The following SPG11 variants were observed in gnomAD, a reference collection of about 807,000 sequenced individuals.
SPG11 encodes SPG11 vesicle trafficking associated, spatacsin.
SPG11 carries 222 observed loss-of-function variants against 274.0 expected under a neutral mutation model. The observed-to-expected ratio is 0.81, with a 90% CI of 0.73 to 0.91. The LOEUF is 0.91. Among genes scored for constraint, SPG11 ranks in the 40% least tolerant of loss-of-function variants. The pLI, the probability that SPG11 is intolerant of heterozygous loss-of-function variation, is 0.00. For synonymous variants in SPG11, 1,144 were observed against 1,039.7 expected, an observed-to-expected ratio of 1.10 and a Z score of -1.93; for missense variants, 3,114 against 2,872.7, an observed-to-expected ratio of 1.08 and a Z score of -1.92.
chr15:44,576,322 T>C (rs1302412584), intron 30 of SPG11, among the ~76,000 whole-genome samples: 2 of 151,676 alleles, frequency 1.3e-5, no homozygotes, highest in African/African-American at 4.8e-5. Context: ...GCTTAGTACA[T>C]CTGTACAGTG....
At chr15:44,563,565 G>A (rs193040233) in intron 39 of SPG11, among the ~76,000 whole-genome samples, 15 of 152,204 alleles carry the variant, frequency 9.9e-5, no homozygotes, top group South Asian at 2.1e-4. Flanking sequence ...GTTGAACTCC[G>A]GGCCTCAAGT....
intron 7 of SPG11, among the ~76,000 whole-genome samples, chr15:44,645,602 AC>A (rs1341926200): frequency 2.0e-5 from 3 of 152,144 alleles, no homozygotes; most frequent in Non-Finnish European, 4.4e-5. Context: ...TGCAACAAAA[AC>A]CAAAAATTGA....
chr15:44,584,151 G>A lies in SPG11; in HGVS notation c.5529C>T (p.Phe1843=). The part of the protein sequence containing the change: ...SFDSLASEFS[F]SKLAALNTSK... ...ATGTGTTCAGAGCAGCCAACTTGGA[G>A]AAGGAAAACTCACTGGCTAAACTAT... The change falls in exon 30 of 40, where the codon TTC becomes TTT. Residue 1843 remains phenylalanine, a synonymous_variant. Transcript: ENST00000261866. 6.2e-7 allele frequency: 1 copy of A among 1,614,230 alleles called. No homozygotes were observed. The highest frequency in any genetic ancestry group is 8.5e-7 in the Non-Finnish European group (1 of 1,180,040).
chr15:44,587,687 C>T (rs944390634), intron 28 of SPG11, among the ~76,000 whole-genome samples: 1 of 84,510 alleles, frequency 1.2e-5, no homozygotes, highest in African/African-American at 5.7e-5. Context: ...CAGAGCCAGA[C>T]TGTCTCAAAA....
Position 44,584,530 on chromosome 15 carries a change from T to C in SPG11, c.5150A>G (p.His1717Arg), listed in dbSNP as rs1351728335. The C allele has an allele frequency of 3.1e-6, 5 of 1,612,330 alleles. No homozygotes were observed. Among genetic ancestry groups the C allele is most frequent in the Non-Finnish European group, 4.2e-6 (5 of 1,180,028 alleles). Residue 1717 changes from histidine (H) to arginine (R), a missense_variant, in exon 30 of 40, where the codon CAC becomes CGC. His to Arg is a conservative substitution (Grantham distance 29). Transcript: ENST00000261866. ...EITQEMQTLKHIEQWSLKQAR... is the reference protein window; with the variant it reads ...EITQEMQTLKRIEQWSLKQAR... ...TTGTTTTAGTGACCACTGTTCAATGTGTTTTAGGGTCTGCATTTCCTGTGT... is the reference window on the plus strand; with the variant it reads ...TTGTTTTAGTGACCACTGTTCAATGCGTTTTAGGGTCTGCATTTCCTGTGT...
chr15:44,600,766 C>T, intron 20 of SPG11, 134 bp from the exon 21 acceptor site: 2 of 927,176 alleles, frequency 2.2e-6, no homozygotes, highest in Admixed American at 2.1e-5. Context: ...TTTGAATCTA[C>T]CAAAATCTGA....
rs187638380 is a variant in SPG11 at position 44,607,345 on chromosome 15, G to A, written c.3453+1099C>T. On this transcript the variant is annotated intron_variant, in intron 19 of 39. Coordinates refer to ENST00000261866, the MANE Select transcript of SPG11 (RefSeq NM_025137.4). ...TGCCCAGGCTAGAGTGCAATGGTGC[G>A]ATCTCAGCTTACTGCAACTTTCGCC... 4.4e-4 allele frequency among the ~76,000 whole-genome samples: 67 copies of A among 152,220 alleles called. No homozygotes were observed. In the East Asian group the frequency reaches 0.012, roughly 26 times the overall value.
rs1567125715 is a variant in SPG11 at position 44,565,834 on chromosome 15, C to T, written c.6999+20G>A. 3 of 1,613,726 alleles carry T rather than the reference C, an allele frequency of 1.9e-6. No homozygotes were observed. The highest frequency in any genetic ancestry group is 1.3e-5 in the African/African-American group (1 of 74,916). On this transcript the variant is annotated intron_variant, in intron 38 of 39. Coordinates refer to ENST00000261866, the MANE Select transcript of SPG11 (RefSeq NM_025137.4). ...GAGAGGATGCTAGCAGTGCTGGCTA[C>T]AGTTTGCTTTCTTGCTCACCTGGTA...
At chr15:44,629,209 C>T in intron 9 of SPG11, 24 bp downstream of exon 9, 1 of 1,612,160 alleles carries the variant, frequency 6.2e-7, no homozygotes, top group Non-Finnish European at 8.5e-7. Flanking sequence ...GTAGAATTGC[C>T]CCCTTCCTAG....
intron 4 of SPG11, among the ~76,000 whole-genome samples, chr15:44,655,390 T>C (rs1259747670): frequency 6.6e-6 from 1 of 152,222 alleles, no homozygotes; most frequent in Non-Finnish European, 1.5e-5. Flanking sequence ...ATGCTGGAAG[T>C]GCTCCCAAGT....
chr15:44,651,833 G>A lies in SPG11; in HGVS notation c.1114C>T (p.Pro372Ser). ...WFQDILHLES[P>S]ESGNHSTSVQ... ...CTTGTACTGTGGTTACCAGATTCAG[G>A]TGACTCCAAATGCAAAATATCCTGG... Residue 372 changes from proline to serine, a missense_variant, in exon 6 of 40, where the codon CCT (proline) becomes TCT (serine). Transcript: ENST00000261866. 6.2e-7 allele frequency: 1 copy of A among 1,614,082 alleles called. No individual in the cohort carries two copies. The highest frequency in any genetic ancestry group is 1.1e-5 in the South Asian group (1 of 91,086).
intron 35 of SPG11, among the ~76,000 whole-genome samples, chr15:44,569,047 G>A (rs967153024): frequency 1.3e-5 from 2 of 151,756 alleles, no homozygotes; most frequent in African/African-American, 4.8e-5. Flanking sequence ...GTGCATGCCT[G>A]TAATCCCAGC....
rs753023533 is a variant in SPG11 at position 44,565,937 on chromosome 15, T to A, written c.6916A>T (p.Asn2306Tyr). 1 of 1,613,974 alleles carries A rather than the reference T, an allele frequency of 6.2e-7. No homozygotes were observed. Among genetic ancestry groups the A allele is most frequent in the African/African-American group, 1.3e-5 (1 of 75,014 alleles). Residue 2306 changes from asparagine to tyrosine, a missense_variant, in exon 38 of 40, where the codon AAC becomes TAC. Physicochemically the swap from Asn to Tyr is moderately radical, Grantham distance 143. Transcript: ENST00000261866. ...ATGAGCATTGTGTTCTGGCCAGTGT[T>A]CAGAAAGTGAATCTGCAGAGTTATC... Reference protein sequence around the residue: ...KLITLQIHFLNTGQNTMLINL... With the variant: ...KLITLQIHFLYTGQNTMLINL...
At chr15:44,661,032 G>C (rs1326990223) in intron 1 of SPG11, among the ~76,000 whole-genome samples, 1 of 152,164 alleles carries the variant, frequency 6.6e-6, no homozygotes, top group Non-Finnish European at 1.5e-5. Flanking sequence ...TTAAAAGAAA[G>C]TGATTATTTG....
intron 11 of SPG11, among the ~76,000 whole-genome samples, chr15:44,623,563 C>G (rs2083813446): frequency 6.6e-6 from 1 of 152,090 alleles, no homozygotes; most frequent in Non-Finnish European, 1.5e-5. Context: ...AGTAAAACCA[C>G]AGAGCATAAA....
chr15:44,628,776 T>G lies in SPG11; in HGVS notation c.1960A>C (p.Met654Leu), dbSNP rs752878637. 6 of 1,613,788 alleles carry G rather than the reference T, an allele frequency of 3.7e-6. No homozygotes were observed. In the South Asian group the frequency reaches 5.5e-5, roughly 15 times the overall value. Reference sequence around the variant, plus strand: ...GTTAGCTTCCAAGGAAACTTTATCATGAAGGTTCGAAGTTCATTAATGTAG... The same window carrying G: ...GTTAGCTTCCAAGGAAACTTTATCAGGAAGGTTCGAAGTTCATTAATGTAG... ...TSYINELRTF[M>L]IKFPWKLTDA... The change falls in exon 10 of 40, where the codon ATG (methionine) becomes CTG (leucine). Residue 654 changes from methionine to leucine, a missense_variant. By Grantham distance (15) the Met-to-Leu change is conservative. Coordinates refer to ENST00000261866, the MANE Select transcript of SPG11 (RefSeq NM_025137.4).
At position 44,565,941 on chromosome 15, in the gene SPG11, A is replaced by G. The variant is rs146914461; in HGVS notation, c.6912T>C (p.Phe2304=). Residue 2304 remains phenylalanine (F), a synonymous_variant, in exon 38 of 40, where the codon TTT becomes TTC. Transcript: ENST00000261866. ...LTKLITLQIH[F]LNTGQNTMLI... ...GCATTGTGTTCTGGCCAGTGTTCAGAAAGTGAATCTGCAGAGTTATCAACT... is the reference window on the plus strand; with the variant it reads ...GCATTGTGTTCTGGCCAGTGTTCAGGAAGTGAATCTGCAGAGTTATCAACT... 4 of 1,614,020 alleles carry G rather than the reference A, an allele frequency of 2.5e-6. No individual in the cohort carries two copies. In the Admixed American group the frequency reaches 5.0e-5, roughly 20 times the overall value.
chr15:44,586,331 C>T (rs768309580), intron 28 of SPG11, among the ~76,000 whole-genome samples: 1 of 152,140 alleles, frequency 6.6e-6, no homozygotes, highest in African/African-American at 2.4e-5. Context: ...ACTGAACTTG[C>T]TTGTCATATA....
At chr15:44,601,557 CTTTTTTTT>C (rs776775388) in intron 20 of SPG11, among the ~76,000 whole-genome samples, 2 of 122,790 alleles carry the variant, frequency 1.6e-5, no homozygotes, top group African/African-American at 6.8e-5. Context: ...CCAGCCTCTT[CTTTTTTTT>C]TTTTTTTTTT....
Sources: gnomAD v4.1 joint callset for allele counts (sites outside exome capture counted in the v4.1 genomes callset) on GRCh38, gnomAD v4.1.1 for gene constraint, MANE v1.5 for transcripts, NCBI Gene and HGNC (gene_info 2026-07-23, HGNC 2026-07-21) for gene names.